MTUS2: variants seen among roughly 807,000 people sequenced by gnomAD.
MTUS2 encodes microtubule-associated tumor suppressor candidate 2.
In MTUS2, 40 loss-of-function variants were observed where a neutral mutation model predicts 114.1. The observed-to-expected ratio is 0.35, with a 90% CI of 0.27 to 0.46. MTUS2 has a LOEUF of 0.46. Among genes scored for constraint, MTUS2 ranks in the 20% least tolerant of loss-of-function variants. The pLI is 1.00. For synonymous variants in MTUS2, 688 were observed against 672.0 expected (o/e 1.02, Z -0.37); for missense variants, 1,679 against 1,705.4 (o/e 0.98, Z 0.27).
At chr13:29,255,828 G>T (rs1897267839) in intron 5 of MTUS2, among the ~76,000 whole-genome samples, 1 of 152,150 alleles carries the variant, frequency 6.6e-6, no homozygotes, top group South Asian at 2.1e-4. Flanking sequence ...TTCAGGAATA[G>T]CCTTCAGTTT....
At chr13:29,074,098 G>A (rs182526260) in intron 4 of MTUS2, among the ~76,000 whole-genome samples, 65 of 152,054 alleles carry the variant, frequency 4.3e-4, no homozygotes, top group African/African-American at 1.5e-3. Flanking sequence ...CTTCCACATA[G>A]CAAATCATAC....
chr13:29,485,718 A>G (rs922337617), intron 10 of MTUS2, among the ~76,000 whole-genome samples: 3 of 152,220 alleles, frequency 2.0e-5, no homozygotes, highest in Admixed American at 1.3e-4. Flanking sequence ...TGATGCCACA[A>G]ACACAGTGTA....
At chr13:28,967,265 A>G (rs187621888) in intron 2 of MTUS2, among the ~76,000 whole-genome samples, 6 of 152,164 alleles carry the variant, frequency 3.9e-5, no homozygotes, top group Non-Finnish European at 8.8e-5. Flanking sequence ...CTACTATATT[A>G]ATATTCCTTG....
intron 2 of MTUS2, among the ~76,000 whole-genome samples, chr13:28,978,536 C>T (rs1884219969): frequency 1.3e-5 from 2 of 152,334 alleles, no homozygotes; most frequent in South Asian, 4.1e-4. Flanking sequence ...TAAACTCTTA[C>T]AGTGTTCTTA....
chr13:28,858,187 A>G (rs1876755034), intron 2 of MTUS2, among the ~76,000 whole-genome samples: 1 of 146,126 alleles, frequency 6.8e-6, no homozygotes, highest in Admixed American at 6.8e-5. Context: ...AAATTATCTT[A>G]TAGGAAGGAT....
chr13:28,971,981 T>C (rs975544029), intron 2 of MTUS2, among the ~76,000 whole-genome samples: 2 of 152,250 alleles, frequency 1.3e-5, no homozygotes, highest in African/African-American at 2.4e-5. Flanking sequence ...AAAGTGCTAA[T>C]AGCCAAGGGT....
At chr13:29,051,144 A>G (rs1887877535) in intron 4 of MTUS2, among the ~76,000 whole-genome samples, 1 of 152,208 alleles carries the variant, frequency 6.6e-6, no homozygotes, top group Admixed American at 6.5e-5. Context: ...GTTAGAGTTT[A>G]CAGATGAGAG....
At chr13:29,176,574 G>A (rs983434523) in intron 5 of MTUS2, among the ~76,000 whole-genome samples, 2 of 152,210 alleles carry the variant, frequency 1.3e-5, no homozygotes, top group South Asian at 2.1e-4. Flanking sequence ...AAGATCAAAG[G>A]CCCACTCTCT....
intron 5 of MTUS2, among the ~76,000 whole-genome samples, chr13:29,153,381 A>G (rs1892735003): frequency 6.6e-6 from 1 of 152,220 alleles, no homozygotes; most frequent in Non-Finnish European, 1.5e-5. Flanking sequence ...TGAATTAGCG[A>G]ATTCTACTCT....
At chr13:29,498,037 A>C (rs1259768154) in intron 13 of MTUS2, among the ~76,000 whole-genome samples, 1 of 152,182 alleles carries the variant, frequency 6.6e-6, no homozygotes, top group Admixed American at 6.5e-5. Context: ...GGTGGGACCT[A>C]TAAGAGTCCC....
At chr13:29,120,164 C>A (rs1319673751) in intron 5 of MTUS2, among the ~76,000 whole-genome samples, 1 of 151,994 alleles carries the variant, frequency 6.6e-6, no homozygotes, top group African/African-American at 2.4e-5. Context: ...GCAAACTGGG[C>A]AGTCTCATAC....
At chr13:29,130,296 G>A (rs376670356) in intron 5 of MTUS2, among the ~76,000 whole-genome samples, 95 of 152,232 alleles carry the variant, frequency 6.2e-4, no homozygotes, top group African/African-American at 2.2e-3. Context: ...ACAGCCCCAT[G>A]TTATCTGGTC....
intron 5 of MTUS2, among the ~76,000 whole-genome samples, chr13:29,145,314 G>A (rs1314715204): frequency 6.6e-6 from 1 of 152,086 alleles, no homozygotes; most frequent in Non-Finnish European, 1.5e-5. Context: ...GAGGTCAGAA[G>A]TTCAAGACCA....
intron 5 of MTUS2, among the ~76,000 whole-genome samples, chr13:29,145,666 C>G (rs1892405014): frequency 1.3e-5 from 2 of 152,036 alleles, no homozygotes; most frequent in South Asian, 4.1e-4. Flanking sequence ...GAGTGTTACC[C>G]CACCCACCCC....
At chr13:28,997,663 T>C (rs931512217) in intron 2 of MTUS2, among the ~76,000 whole-genome samples, 4 of 152,146 alleles carry the variant, frequency 2.6e-5, no homozygotes, top group African/African-American at 9.7e-5. Context: ...TTTGTCTCTT[T>C]TGATCTTTGT....
chr13:29,051,559 A>T lies in MTUS2; in HGVS notation c.2446+17434A>T, dbSNP rs142803983. On this transcript the variant is annotated intron_variant, in intron 4 of 15. Coordinates refer to ENST00000612955, the MANE Select transcript of MTUS2 (RefSeq NM_001033602.4). ...CAAGATGGGCCCCTACAACATTCTG[A>T]CATTTAAAGATCTGGCAAAGAAGGC... Among the ~76,000 whole-genome samples, 1,193 of 152,298 alleles carry T rather than the reference A, an allele frequency of 7.8e-3. 8 individuals are homozygous for T. The highest frequency in any genetic ancestry group is 9.5e-3 in the Non-Finnish European group (645 of 68,022).
At chr13:29,163,566 C>T (rs1293342494) in intron 5 of MTUS2, among the ~76,000 whole-genome samples, 2 of 152,046 alleles carry the variant, frequency 1.3e-5, no homozygotes, top group Non-Finnish European at 2.9e-5. Context: ...GTTGAGTGTT[C>T]ACTTGTCCAT....
At chr13:28,856,450 G>A (rs1028468687) in intron 2 of MTUS2, among the ~76,000 whole-genome samples, 50 of 152,264 alleles carry the variant, frequency 3.3e-4, no homozygotes, top group African/African-American at 1.2e-3. Context: ...GGTCAGACTG[G>A]GTGTCTCCGA....
intron 8 of MTUS2, among the ~76,000 whole-genome samples, chr13:29,365,223 A>G (rs146540690): frequency 6.6e-6 from 1 of 152,358 alleles, no homozygotes. Flanking sequence ...TCCTCCAGAT[A>G]TGCCAAGCAG....
Sources: gnomAD v4.1 joint callset for allele counts (sites outside exome capture counted in the v4.1 genomes callset) on GRCh38, gnomAD v4.1.1 for gene constraint, MANE v1.5 for transcripts, NCBI Gene and HGNC (gene_info 2026-07-23, HGNC 2026-07-21) for gene names.